The following PRKACB variants were observed in gnomAD, a reference collection of about 807,000 sequenced individuals.
PRKACB encodes the protein protein kinase cAMP-activated catalytic subunit beta, also known as cAMP-dependent protein kinase catalytic subunit beta.
PRKACB carries 16 observed loss-of-function variants against 51.4 expected under a neutral mutation model. The observed-to-expected ratio is 0.31, with a 90% CI of 0.21 to 0.47. The LOEUF (loss-of-function observed/expected upper bound fraction) is 0.47. Among genes scored for constraint, PRKACB ranks in the 20% least tolerant of loss-of-function variants. PRKACB has a pLI of 1.00. For missense variants in PRKACB, 309 were observed against 464.5 expected (o/e 0.67, Z 3.08); for synonymous variants, 147 against 154.4 (o/e 0.95, Z 0.35).
At chr1:84,084,623 C>T (rs1647816720) in intron 1 of PRKACB, among the ~76,000 whole-genome samples, 1 of 151,980 alleles carries the variant, frequency 6.6e-6, no homozygotes, top group African/African-American at 2.4e-5. Context: ...AGAAAAGGAT[C>T]TGAAATGGGA....
chr1:84,235,097 G>T, intron 9 of PRKACB, 83 bp from the exon 10 acceptor site: 1 of 1,417,614 alleles, frequency 7.1e-7, no homozygotes, highest in Non-Finnish European at 9.6e-7. Flanking sequence ...TAATAACAGT[G>T]GGAATTTATT....
intron 1 of PRKACB, among the ~76,000 whole-genome samples, chr1:84,103,555 G>A (rs995144259): frequency 6.6e-6 from 1 of 152,154 alleles, no homozygotes; most frequent in Admixed American, 6.5e-5. Context: ...AGCAAACAGT[G>A]TGAAGTGAGC....
intron 2 of PRKACB, 71 bp downstream of exon 2, chr1:84,179,309 A>G: frequency 1.4e-6 from 2 of 1,441,152 alleles, no homozygotes; most frequent in Non-Finnish European, 1.8e-6. Flanking sequence ...TGCCTAAGAA[A>G]TTTATTACTT....
intron 7 of PRKACB, among the ~76,000 whole-genome samples, chr1:84,202,338 A>G (rs1302717002): frequency 6.6e-6 from 1 of 152,030 alleles, no homozygotes; most frequent in Non-Finnish European, 1.5e-5. Context: ...AGTGGGCCTT[A>G]AGAAGTAATG....
intron 1 of PRKACB, among the ~76,000 whole-genome samples, chr1:84,126,543 T>A (rs762730252): frequency 9.2e-5 from 14 of 152,130 alleles, no homozygotes; most frequent in Admixed American, 2.6e-4. Flanking sequence ...TTTTTATGGG[T>A]ACAGGATGGG....
At chr1:84,177,619 G>T (rs1328072181) in intron 1 of PRKACB, among the ~76,000 whole-genome samples, 2 of 151,978 alleles carry the variant, frequency 1.3e-5, no homozygotes, top group African/African-American at 2.4e-5. Context: ...GTGCACATCT[G>T]TAGTCCCAGC....
At chr1:84,177,344 A>C (rs958173781) in intron 1 of PRKACB, among the ~76,000 whole-genome samples, 1 of 152,014 alleles carries the variant, frequency 6.6e-6, no homozygotes, top group Non-Finnish European at 1.5e-5. Context: ...TGCTCCATGC[A>C]AAAAAAGAAA....
chr1:84,148,601 C>T (rs1654432614), intron 1 of PRKACB, among the ~76,000 whole-genome samples: 1 of 152,006 alleles, frequency 6.6e-6, no homozygotes, highest in African/African-American at 2.4e-5. Context: ...CTAATTTGTG[C>T]TATTGTGATC....
chr1:84,210,498 G>A (rs1671968171), intron 8 of PRKACB, among the ~76,000 whole-genome samples: 1 of 152,128 alleles, frequency 6.6e-6, no homozygotes, highest in Admixed American at 6.6e-5. Flanking sequence ...AGGAAGATTA[G>A]GTTATTTTCC....
In PRKACB at chr1:84,172,719, A is replaced by C. The variant is rs547331363; in HGVS notation, c.188-6458A>C. ...TTTATTTTTCACAGTTCAGTGAGTC[A>C]GTCAATTATGCTGTTCACTTGTAAC... is the stretch of plus-strand genomic sequence containing the variant. On this transcript the variant is annotated intron_variant, in intron 1 of 9. Coordinates refer to ENST00000370685, the MANE Select transcript of PRKACB (RefSeq NM_182948.4). 5.9e-4 allele frequency among the ~76,000 whole-genome samples: 89 copies of C among 151,880 alleles called. 1 individual carries two copies. In the South Asian group the frequency reaches 0.018, roughly 30 times the overall value.
At chr1:84,114,609 A>G (rs970398776) in intron 1 of PRKACB, among the ~76,000 whole-genome samples, 5 of 152,174 alleles carry the variant, frequency 3.3e-5, no homozygotes, top group African/African-American at 1.2e-4. Context: ...GCTATCAAAC[A>G]TTGAATATAT....
At chr1:84,202,647 T>G in intron 7 of PRKACB, 36 bp from the exon 8 acceptor site, 1 of 1,558,102 alleles carries the variant, frequency 6.4e-7, no homozygotes. Flanking sequence ...TTGAGTAACT[T>G]AAGTAACAAT....
intron 3 of PRKACB, among the ~76,000 whole-genome samples, chr1:84,182,998 G>C (rs1333420480): frequency 6.6e-6 from 1 of 151,932 alleles, no homozygotes; most frequent in African/African-American, 2.4e-5. Context: ...TTAAATAAAA[G>C]GCCTAGATTA....
intron 8 of PRKACB, among the ~76,000 whole-genome samples, chr1:84,207,180 G>A (rs1671458175): frequency 6.6e-6 from 1 of 152,054 alleles, no homozygotes; most frequent in Non-Finnish European, 1.5e-5. Flanking sequence ...AGCTCTTGTG[G>A]TCCTATGAGC....
intron 1 of PRKACB, among the ~76,000 whole-genome samples, chr1:84,091,883 G>A (rs1272083430): frequency 6.6e-6 from 1 of 152,090 alleles, no homozygotes; most frequent in Non-Finnish European, 1.5e-5. Flanking sequence ...ATTGTACTCA[G>A]GGGCATCAGT....
At chr1:84,086,109 T>C in intron 1 of PRKACB, 4 of 1,507,820 alleles carry the variant, frequency 2.7e-6, no homozygotes, top group South Asian at 2.2e-5. Context: ...GACCTCGCCA[T>C]TGAGTATGAG....
In PRKACB at chr1:84,114,818, G is replaced by T. The variant is rs943537321; in HGVS notation, c.46+36447G>T. Among the ~76,000 whole-genome samples, 4 of 152,070 alleles carry T rather than the reference G, an allele frequency of 2.6e-5. No individual in the cohort carries two copies. The East Asian group carries it at 5.8e-4, about 22-fold the overall frequency. On this transcript the variant is annotated intron_variant, in intron 1 of 8. Coordinates refer to the PRKACB transcript ENST00000370688. ...GTCTTTTTGTGTCTGGCTTATTTCA[G>T]TTTAAATAATGACCTCCAGTTCTAG...
chr1:84,164,309 A>G, intron 1 of PRKACB: 1 of 1,528,290 alleles, frequency 6.5e-7, no homozygotes, highest in Non-Finnish European at 8.8e-7. Context: ...AACAGCACAC[A>G]GCATTTTAAT....
intron 1 of PRKACB, among the ~76,000 whole-genome samples, chr1:84,124,360 A>G (rs534353894): frequency 9.2e-4 from 140 of 152,316 alleles, no homozygotes; most frequent in Admixed American, 2.2e-3. Flanking sequence ...ATTTTTGACT[A>G]CTGGTTTACC....
Sources: allele counts gnomAD v4.1 joint callset (sites outside exome capture counted in the v4.1 genomes callset), GRCh38; gene constraint gnomAD v4.1.1; transcripts MANE v1.5; gene names NCBI Gene and HGNC (gene_info 2026-07-23, HGNC 2026-07-21).